HYAL4: variants seen among roughly 807,000 people sequenced by gnomAD.
HYAL4 encodes hyaluronidase-4.
A neutral mutation model predicts 35.2 loss-of-function variants in HYAL4; 37 were observed. The ratio of observed to expected loss-of-function variants is 1.05; its 90% CI spans 0.81 to 1.38. HYAL4 has a LOEUF of 1.38. HYAL4 is among the 40% of genes most tolerant of loss of function. The pLI is 0.00. For synonymous variants in HYAL4, 198 were observed against 203.2 expected, an observed-to-expected ratio of 0.97 and a Z score of 0.22; for missense variants, 572 against 572.4, an observed-to-expected ratio of 1.00 and a Z score of 0.01.
At chr7:123,768,835 T>C in the HYAL4 span, among the ~76,000 whole-genome samples, 1 of 152,176 alleles carries the variant, frequency 6.6e-6, no homozygotes, top group African/African-American at 2.4e-5. Flanking sequence ...AGATTGTCCA[T>C]TGGTTACTTT....
the HYAL4 span, among the ~76,000 whole-genome samples, chr7:123,767,032 T>G: frequency 6.6e-6 from 1 of 152,220 alleles, no homozygotes; most frequent in Non-Finnish European, 1.5e-5. Context: ...TTGGTTATGA[T>G]GTGCAGCTAT....
chr7:123,848,830 A>G (rs1806231774), intron 2 of HYAL4, among the ~76,000 whole-genome samples: 3 of 152,212 alleles, frequency 2.0e-5, no homozygotes, highest in Admixed American at 2.0e-4. Flanking sequence ...AGCATGCAAC[A>G]TTTAAAAGGG....
At chr7:123,773,765 C>G in the HYAL4 span, among the ~76,000 whole-genome samples, 1 of 152,166 alleles carries the variant, frequency 6.6e-6, no homozygotes, top group Non-Finnish European at 1.5e-5. Context: ...ATATCTCAAT[C>G]TAGATGGGAA....
the HYAL4 span, among the ~76,000 whole-genome samples, chr7:123,792,688 C>T: frequency 6.6e-6 from 1 of 152,250 alleles, no homozygotes; most frequent in South Asian, 2.1e-4. Context: ...GACTGCTGAT[C>T]TCTTGCTTTT....
chr7:123,854,343 T>G (rs1806380801), intron 2 of HYAL4, among the ~76,000 whole-genome samples: 1 of 152,238 alleles, frequency 6.6e-6, no homozygotes, highest in African/African-American at 2.4e-5. Context: ...CCTTACTGTT[T>G]CTGATGTGGG....
rs370648762 is a variant in HYAL4 at position 123,874,782 on chromosome 7, G to A, written c.976G>A (p.Gly326Arg). 5.6e-6 allele frequency: 9 copies of A among 1,605,046 alleles called. No homozygotes were observed. The highest frequency in any genetic ancestry group is 2.7e-5 in the African/African-American group (2 of 74,720). ...CTAGCAAGATCTAGTCAGCACCATA[G>A]GAGAAAGTGCTGCCTTGGGAGCTGC... is the stretch of plus-strand genomic sequence containing the variant. ...LSKQDLVSTI[G>R]ESAALGAAGI... The change falls in exon 4 of 5, where the codon GGA becomes AGA. Residue 326 changes from glycine (G) to arginine (R), a missense_variant. Gly to Arg is a moderately radical substitution (Grantham distance 125). Coordinates refer to ENST00000223026, the MANE Select transcript of HYAL4 (RefSeq NM_012269.3).
chr7:123,871,805 A>G (rs1272847618), intron 3 of HYAL4, among the ~76,000 whole-genome samples: 4 of 152,120 alleles, frequency 2.6e-5, no homozygotes, highest in Non-Finnish European at 5.9e-5. Context: ...TGATATGGCT[A>G]TTACTTTTTT....
chr7:123,858,813 T>A (rs1363992846), intron 2 of HYAL4, among the ~76,000 whole-genome samples: 13 of 152,146 alleles, frequency 8.5e-5, no homozygotes, highest in African/African-American at 2.2e-4. Context: ...ATAATGAAAC[T>A]TCTTCTAGTG....
chr7:123,828,427 T>TACACACACACACAC (rs34327472), upstream of HYAL4, among the ~76,000 whole-genome samples: 16 of 141,412 alleles, frequency 1.1e-4, no homozygotes, highest in Middle Eastern at 3.5e-3. Context: ...TGTTCATAAT[T>TACACACACACACAC]ACACACACAC....
In HYAL4 at chr7:123,850,287, G is replaced by A. The variant is rs1218974630; in HGVS notation, c.-52+2129G>A. Among the ~76,000 whole-genome samples the A allele has an allele frequency of 3.3e-5, 5 of 152,156 alleles. No homozygotes were observed. In the East Asian group the frequency reaches 9.6e-4, roughly 29 times the overall value. On this transcript the variant is annotated intron_variant, in intron 2 of 4. Coordinates refer to ENST00000223026, the MANE Select transcript of HYAL4 (RefSeq NM_012269.3). ...GACAGGGTCTCACTCTGTCACTCAG[G>A]ATGGAGTGCAGTGGCATGATCACTG...
intron 2 of HYAL4, among the ~76,000 whole-genome samples, chr7:123,863,653 A>C (rs1806626130): frequency 6.6e-6 from 1 of 152,212 alleles, no homozygotes; most frequent in South Asian, 2.1e-4. Context: ...TGGGTTGCAC[A>C]GTGACCTTCT....
chr7:123,814,988 T>C, the HYAL4 span: 1 of 152,612 alleles, frequency 6.6e-6, no homozygotes, highest in Non-Finnish European at 1.5e-5. Context: ...GTTTTTATTT[T>C]TTCCAGACCA....
rs71163703 is a variant in HYAL4 at position 123,832,479 on chromosome 7, C to CTTTTTTTTTTTTTTTTTTTTTT, written c.-257+3372_-257+3393dup. On this transcript the variant is annotated intron_variant, in intron 1 of 4. Transcript: ENST00000489978. The stretch of plus-strand genomic sequence containing the variant: ...AGTCCCCAAAGTCTATTGTGTCATA[C>CTTTTTTTTTTTTTTTTTTTTTT]TTTTTTTTTTTTTTTTTTTTTTTTT... Among the ~76,000 whole-genome samples the CTTTTTTTTTTTTTTTTTTTTTT allele has an allele frequency of 3.2e-4, 7 of 21,844 alleles. 2 individuals are homozygous for CTTTTTTTTTTTTTTTTTTTTTT. The highest frequency in any genetic ancestry group is 1.1e-3 in the African/African-American group (4 of 3,598). The allele number at this position is 21,844 out of a possible 152,430, so 14.3% of individuals were successfully genotyped here.
In HYAL4 at chr7:123,868,349, T is replaced by G; in HGVS notation, c.76T>G (p.Phe26Val). The G allele has an allele frequency of 1.9e-6, 3 of 1,601,868 alleles. No individual in the cohort carries two copies. Among genetic ancestry groups the G allele is most frequent in the Non-Finnish European group, 2.5e-6 (3 of 1,176,654 alleles). Residue 26 changes from phenylalanine (F) to valine (V), a missense_variant, in exon 3 of 5, where the codon TTT becomes GTT. Phe to Val is a conservative substitution (Grantham distance 50). Coordinates refer to ENST00000223026, the MANE Select transcript of HYAL4 (RefSeq NM_012269.3). The part of the protein sequence containing the change: ...PVHLTSWLLI[F>V]FILKSISCLK... ...ACATCTCACTTCATGGCTCCTTATA[T>G]TTTTTATTCTAAAGTCTATCTCTTG...
the HYAL4 span, among the ~76,000 whole-genome samples, chr7:123,796,418 A>T: frequency 6.6e-6 from 1 of 152,242 alleles, no homozygotes. Flanking sequence ...GTAATTATTT[A>T]ATCTTTAAAT....
chr7:123,834,025 C>T (rs780133912), intron 1 of HYAL4, among the ~76,000 whole-genome samples: 15 of 152,012 alleles, frequency 9.9e-5, no homozygotes, highest in Non-Finnish European at 1.6e-4. Context: ...GTGTGATGCT[C>T]CAGGTTTGTT....
the HYAL4 span, among the ~76,000 whole-genome samples, chr7:123,801,735 T>G: frequency 3.3e-5 from 5 of 152,222 alleles, no homozygotes. Flanking sequence ...ACTTCTATTT[T>G]CAGTATTATA....
chr7:123,874,548 G>A (rs564146518), intron 3 of HYAL4, among the ~76,000 whole-genome samples: 1 of 152,114 alleles, frequency 6.6e-6, no homozygotes, highest in South Asian at 2.1e-4. Flanking sequence ...GATTATAGGC[G>A]CCCACCACCA....
At chr7:123,840,844 T>G (rs1382717408), upstream of HYAL4, among the ~76,000 whole-genome samples, 1 of 152,106 alleles carries the variant, frequency 6.6e-6, no homozygotes, top group Non-Finnish European at 1.5e-5. Flanking sequence ...TTTTGTGTCC[T>G]GAGACCTTGC....
Sources: gnomAD v4.1 joint callset for allele counts (sites outside exome capture counted in the v4.1 genomes callset) on GRCh38, gnomAD v4.1.1 for gene constraint, MANE v1.5 for transcripts, NCBI Gene and HGNC (gene_info 2026-07-23, HGNC 2026-07-21) for gene names.